Variants in IQCM observed in about 807,000 individuals in gnomAD.
IQCM encodes the protein IQ domain-containing protein M.
IQCM carries 45 observed loss-of-function variants against 57.6 expected under a neutral mutation model. The observed-to-expected ratio is 0.78, with a 90% CI of 0.62 to 1.00. The LOEUF is 1.00. IQCM is among the 50% of genes least tolerant of loss of function. IQCM has a pLI of 0.00. For missense variants in IQCM, 468 were observed against 511.6 expected (o/e 0.91, Z 0.82); for synonymous variants, 148 against 158.9 (o/e 0.93, Z 0.51).
intron 8 of IQCM, among the ~76,000 whole-genome samples, chr4:149,602,689 T>C (rs958224239): frequency 6.6e-6 from 1 of 152,086 alleles, no homozygotes; most frequent in African/African-American, 2.4e-5. Flanking sequence ...CATGAAATAA[T>C]GTAATAAATT....
intron 12 of IQCM, among the ~76,000 whole-genome samples, chr4:149,450,655 C>T (rs1399513680): frequency 6.6e-6 from 1 of 151,664 alleles, no homozygotes; most frequent in Non-Finnish European, 1.5e-5. Flanking sequence ...AAAACTACAA[C>T]AAGATATAAT....
chr4:149,812,625 T>C (rs1288698000), intron 2 of IQCM, among the ~76,000 whole-genome samples: 1 of 152,084 alleles, frequency 6.6e-6, no homozygotes, highest in African/African-American at 2.4e-5. Flanking sequence ...TGGAATAACA[T>C]TCATAATTAC....
chr4:149,363,041 T>C (rs1729600907), intron 13 of IQCM, among the ~76,000 whole-genome samples: 1 of 152,202 alleles, frequency 6.6e-6, no homozygotes, highest in Non-Finnish European at 1.5e-5. Context: ...GACTTTGGCC[T>C]ATGTTTTGTG....
At chr4:149,596,944 A>C (rs1753831419) in intron 8 of IQCM, among the ~76,000 whole-genome samples, 1 of 152,144 alleles carries the variant, frequency 6.6e-6, no homozygotes, top group South Asian at 2.1e-4. Context: ...GAAATTCAGT[A>C]AACATGAGAA....
chr4:149,813,947 C>T (rs1297102738), intron 2 of IQCM, among the ~76,000 whole-genome samples: 2 of 152,014 alleles, frequency 1.3e-5, no homozygotes, highest in African/African-American at 2.4e-5. Flanking sequence ...CATTACAAAC[C>T]TCCCAATAAT....
intron 13 of IQCM, among the ~76,000 whole-genome samples, chr4:149,415,697 T>C (rs755699773): frequency 7.2e-5 from 11 of 152,132 alleles, no homozygotes; most frequent in Admixed American, 6.6e-5. Flanking sequence ...GAATATTCCA[T>C]AATGGAATAT....
chr4:149,662,646 T>C (rs941643716), intron 7 of IQCM, among the ~76,000 whole-genome samples: 1 of 152,052 alleles, frequency 6.6e-6, no homozygotes, highest in East Asian at 1.9e-4. Context: ...TTAATCCCTT[T>C]ATCATTATAT....
At chr4:149,714,292 T>A (rs1393108426) in intron 5 of IQCM, among the ~76,000 whole-genome samples, 1 of 152,118 alleles carries the variant, frequency 6.6e-6, no homozygotes, top group Non-Finnish European at 1.5e-5. Context: ...TTTGTTAGTT[T>A]CTCCTTATTT....
In IQCM at chr4:149,374,998, T is replaced by TGTGTGTGTGTGTGTG. The variant is rs10699278; in HGVS notation, c.1391-22933_1391-22932insCACACACACACACAC. Reference sequence around the variant, plus strand: ...GTGTGTGTGTGTGTGTGTGTGTGTGTTGTGTGTGTGTGATGTTCTTTATTA... The same window carrying TGTGTGTGTGTGTGTG: ...GTGTGTGTGTGTGTGTGTGTGTGTGTGTGTGTGTGTGTGTGTGTGTGTGTGTGATGTTCTTTATTA... On this transcript the variant is annotated intron_variant, in intron 13 of 13. Transcript: ENST00000636793. Among the ~76,000 whole-genome samples the TGTGTGTGTGTGTGTG allele has an allele frequency of 1.4e-3, 192 of 132,520 alleles. 1 individual carries two copies. The highest frequency in any genetic ancestry group is 4.6e-3 in the African/African-American group (172 of 37,680). 86.9% of individuals were successfully genotyped at this position (132,520 alleles called of 152,430 possible).
intron 5 of IQCM, among the ~76,000 whole-genome samples, chr4:149,723,429 T>C (rs1204232408): frequency 1.3e-5 from 2 of 152,066 alleles, no homozygotes; most frequent in Non-Finnish European, 2.9e-5. Context: ...GGGTCTATCA[T>C]ATATGGCTTT....
chr4:149,475,290 A>T (rs1207378375), intron 12 of IQCM, among the ~76,000 whole-genome samples: 4 of 152,156 alleles, frequency 2.6e-5, no homozygotes, highest in Non-Finnish European at 5.9e-5. Flanking sequence ...GAGGAGTCAA[A>T]GATGTCCCCA....
intron 2 of IQCM, among the ~76,000 whole-genome samples, chr4:149,782,445 C>G (rs781348501): frequency 3.3e-5 from 5 of 151,996 alleles, no homozygotes; most frequent in Non-Finnish European, 7.4e-5. Context: ...CTCTCTCTCT[C>G]TACAATTTTT....
intron 13 of IQCM, among the ~76,000 whole-genome samples, chr4:149,395,389 T>C (rs1382514238): frequency 6.6e-6 from 1 of 152,064 alleles, no homozygotes. Flanking sequence ...ATTTGCTGAA[T>C]ATGGCTTTCA....
intron 7 of IQCM, among the ~76,000 whole-genome samples, chr4:149,667,284 A>C (rs1188860418): frequency 1.3e-5 from 2 of 152,158 alleles, no homozygotes; most frequent in African/African-American, 4.8e-5. Context: ...TACCCAGGCA[A>C]ACAGGGCCAG....
chr4:149,549,068 G>A lies in IQCM; in HGVS notation c.1094-479C>T, dbSNP rs1475727916. Among the ~76,000 whole-genome samples the A allele has an allele frequency of 9.2e-5, 14 of 152,286 alleles. No individual in the cohort carries two copies. In the South Asian group the frequency reaches 1.9e-3, roughly 20 times the overall value. On this transcript the variant is annotated intron_variant, in intron 11 of 13. Transcript: ENST00000636793. ...AAGTTGGCCCCTAATTGGGAGCAAT[G>A]TCTACTTTTTGCTCACTAACTTCAT...
intron 13 of IQCM, among the ~76,000 whole-genome samples, chr4:149,422,790 A>G (rs1459917489): frequency 1.3e-5 from 2 of 152,048 alleles, no homozygotes; most frequent in Non-Finnish European, 2.9e-5. Context: ...CTCTCTGTAA[A>G]CATCAAAAGG....
chr4:149,747,287 G>C (rs769155497), intron 2 of IQCM, among the ~76,000 whole-genome samples: 5 of 152,186 alleles, frequency 3.3e-5, no homozygotes, highest in Non-Finnish European at 7.3e-5. Context: ...TCATTGCTCT[G>C]TATATGAAGG....
intron 2 of IQCM, among the ~76,000 whole-genome samples, chr4:149,761,563 T>A (rs763728645): frequency 1.3e-5 from 2 of 152,156 alleles, no homozygotes; most frequent in Admixed American, 1.3e-4. Context: ...ACTTACACTA[T>A]CTATCCTTTA....
chr4:149,425,861 G>A (rs189960024), intron 13 of IQCM, among the ~76,000 whole-genome samples: 6 of 151,938 alleles, frequency 3.9e-5, no homozygotes, highest in East Asian at 1.9e-4. Context: ...ATAGATTTCC[G>A]TTTCAAACTA....
Sources: gnomAD v4.1 joint callset for allele counts (sites outside exome capture counted in the v4.1 genomes callset) on GRCh38, gnomAD v4.1.1 for gene constraint, MANE v1.5 for transcripts, NCBI Gene and HGNC (gene_info 2026-07-23, HGNC 2026-07-21) for gene names.